Variants in SLC2A13 observed in about 807,000 individuals in gnomAD.
SLC2A13 encodes proton myo-inositol cotransporter.
SLC2A13 carries 32 observed loss-of-function variants against 64.4 expected under a neutral mutation model. The ratio of observed to expected loss-of-function variants is 0.50; its 90% CI spans 0.37 to 0.67. SLC2A13 has a LOEUF of 0.67. SLC2A13 is among the 30% of genes least tolerant of loss of function. SLC2A13 has a pLI of 0.00. For missense variants in SLC2A13, 743 were observed against 829.2 expected, an observed-to-expected ratio of 0.90 and a Z score of 1.28; for synonymous variants, 338 against 327.1, an observed-to-expected ratio of 1.03 and a Z score of -0.36.
At chr12:39,978,536 C>T (rs913971810) in intron 3 of SLC2A13, among the ~76,000 whole-genome samples, 9 of 152,324 alleles carry the variant, frequency 5.9e-5, no homozygotes, top group Admixed American at 1.3e-4. Context: ...AGGGAGTTCC[C>T]TTTCGGAGTC....
At chr12:39,766,185 C>A (rs765743088) in intron 7 of SLC2A13, among the ~76,000 whole-genome samples, 4 of 152,030 alleles carry the variant, frequency 2.6e-5, no homozygotes, top group South Asian at 2.1e-4. Flanking sequence ...TTTGGATTAT[C>A]CTTTCAGTAT....
chr12:39,817,924 C>T (rs1942383439), intron 7 of SLC2A13, among the ~76,000 whole-genome samples: 1 of 152,188 alleles, frequency 6.6e-6, no homozygotes, highest in Admixed American at 6.5e-5. Context: ...TTCCAGGATA[C>T]ACATTCCTTG....
rs558368055 is a variant in SLC2A13, at chr12:39,780,935, A to G, written c.1446-16077T>C. 2.0e-4 allele frequency among the ~76,000 whole-genome samples: 31 copies of G among 152,370 alleles called. No homozygotes were observed. In the South Asian group the frequency reaches 4.8e-3, roughly 23 times the overall value. ...TATTTAAAATAGAACTTGTGCCATT[A>G]GTTACTGACATATAAGAGCTTTGTA... On this transcript the variant is annotated intron_variant, in intron 7 of 9. Coordinates refer to ENST00000280871, the MANE Select transcript of SLC2A13 (RefSeq NM_052885.4).
At chr12:39,951,608 C>T (rs1013454472) in intron 3 of SLC2A13, among the ~76,000 whole-genome samples, 48 of 152,224 alleles carry the variant, frequency 3.2e-4, no homozygotes, top group Non-Finnish European at 5.6e-4. Flanking sequence ...TAAGTTTAAG[C>T]AATTTATGGG....
rs1412741082 is a variant in SLC2A13 at position 39,757,079 on chromosome 12, A to C, written c.*2947T>G. 1 of 151,860 alleles carries C rather than the reference A, an allele frequency of 6.6e-6. No homozygotes were observed. The highest frequency in any genetic ancestry group is 1.5e-5 in the Non-Finnish European group (1 of 67,724). The allele number at this position is 151,860 out of a possible 1,614,324, so 9.4% of individuals were successfully genotyped here. A position where few individuals can be genotyped will look rare whatever the true frequency, so the allele number is the denominator to read the frequency against. On this transcript the variant is annotated 3_prime_UTR_variant, in exon 10 of 10. Coordinates refer to ENST00000280871, the MANE Select transcript of SLC2A13 (RefSeq NM_052885.4). Reference sequence around the variant, plus strand: ...ATGTTTACATTGAAGAAAATTATTAACGGCAAACCCTTTTGACATCACATT... The same window carrying C: ...ATGTTTACATTGAAGAAAATTATTACCGGCAAACCCTTTTGACATCACATT...
intron 1 of SLC2A13, among the ~76,000 whole-genome samples, chr12:40,077,595 G>C (rs1026284231): frequency 1.3e-5 from 2 of 152,042 alleles, no homozygotes; most frequent in Non-Finnish European, 2.9e-5. Flanking sequence ...GATGCCTCTG[G>C]CTTTTGTTCT....
chr12:39,858,447 AG>A (rs554085653), intron 6 of SLC2A13, among the ~76,000 whole-genome samples: 146 of 152,186 alleles, frequency 9.6e-4, no homozygotes, highest in Non-Finnish European at 1.7e-3. Context: ...GAAATTAGTA[AG>A]AAAAAAAAAT....
At chr12:39,945,501 G>A (rs986347075) in intron 4 of SLC2A13, among the ~76,000 whole-genome samples, 1 of 151,766 alleles carries the variant, frequency 6.6e-6, no homozygotes, top group Non-Finnish European at 1.5e-5. Context: ...TCTTAGGTTT[G>A]GTCATTTAAC....
At chr12:40,083,524 T>C (rs1938483801) in intron 1 of SLC2A13, among the ~76,000 whole-genome samples, 1 of 152,170 alleles carries the variant, frequency 6.6e-6, no homozygotes, top group Non-Finnish European at 1.5e-5. Context: ...TCAGCATCCA[T>C]AGTGCTATAC....
intron 6 of SLC2A13, among the ~76,000 whole-genome samples, chr12:39,851,476 A>T (rs189634227): frequency 1.3e-5 from 2 of 152,298 alleles, no homozygotes; most frequent in Admixed American, 1.3e-4. Context: ...TTTTTAGTGT[A>T]AAGGTTAGTG....
At chr12:40,072,261 G>C (rs1288067137) in intron 1 of SLC2A13, among the ~76,000 whole-genome samples, 1 of 152,100 alleles carries the variant, frequency 6.6e-6, no homozygotes, top group African/African-American at 2.4e-5. Flanking sequence ...CCTAAGGACA[G>C]TTATTATATG....
chr12:40,008,104 A>T (rs1402789312), intron 3 of SLC2A13, among the ~76,000 whole-genome samples: 21 of 152,172 alleles, frequency 1.4e-4, no homozygotes, highest in East Asian at 9.6e-4. Context: ...GATTTTTTTT[A>T]AAAAACCTAT....
At chr12:39,919,603 A>G (rs906890090) in intron 4 of SLC2A13, among the ~76,000 whole-genome samples, 1 of 152,058 alleles carries the variant, frequency 6.6e-6, no homozygotes, top group African/African-American at 2.4e-5. Context: ...TGTTCTGAGA[A>G]TACTGTATAG....
intron 9 of SLC2A13, among the ~76,000 whole-genome samples, chr12:39,761,543 A>T (rs79797340): frequency 1.3e-5 from 2 of 152,012 alleles, no homozygotes; most frequent in Non-Finnish European, 2.9e-5. Flanking sequence ...AAGATACAGA[A>T]TAAGATTAGT....
At chr12:39,820,637 T>G (rs1481564290) in intron 7 of SLC2A13, among the ~76,000 whole-genome samples, 2 of 151,314 alleles carry the variant, frequency 1.3e-5, no homozygotes, top group East Asian at 3.9e-4. Context: ...AAAAACCTCC[T>G]GAGATTATTT....
intron 4 of SLC2A13, among the ~76,000 whole-genome samples, chr12:39,875,137 C>G (rs1944150601): frequency 6.6e-6 from 1 of 152,222 alleles, no homozygotes; most frequent in South Asian, 2.1e-4. Flanking sequence ...CATTTATTAT[C>G]TCACAGCTCT....
At chr12:39,956,382 T>G (rs987354074) in intron 3 of SLC2A13, among the ~76,000 whole-genome samples, 5 of 152,192 alleles carry the variant, frequency 3.3e-5, no homozygotes, top group African/African-American at 1.2e-4. Context: ...GGTAATGGTT[T>G]CATGGTGTTC....
chr12:39,830,748 A>C (rs1302339753), intron 6 of SLC2A13, among the ~76,000 whole-genome samples: 1 of 152,204 alleles, frequency 6.6e-6, no homozygotes, highest in African/African-American at 2.4e-5. Flanking sequence ...CAGTTAAATA[A>C]AAATACTACT....
At chr12:39,959,738 G>A (rs1402159379) in intron 3 of SLC2A13, among the ~76,000 whole-genome samples, 3 of 152,068 alleles carry the variant, frequency 2.0e-5, no homozygotes, top group South Asian at 2.1e-4. Context: ...AAAAAATTAC[G>A]AAGAATTACT....
Sources: gnomAD v4.1 joint callset for allele counts (sites outside exome capture counted in the v4.1 genomes callset) on GRCh38, gnomAD v4.1.1 for gene constraint, MANE v1.5 for transcripts, NCBI Gene and HGNC (gene_info 2026-07-23, HGNC 2026-07-21) for gene names.